Variants in CRISP1 observed in about 807,000 individuals in gnomAD.
CRISP1 encodes the protein cysteine-rich secretory protein 1.
In CRISP1, 44 loss-of-function variants were observed where a neutral mutation model predicts 33.1. The observed-to-expected ratio is 1.33, with a 90% confidence interval of 1.05 to 1.71. The LOEUF (loss-of-function observed/expected upper bound fraction) is 1.71. CRISP1 is among the 40% of genes most tolerant of loss of function. CRISP1 has a pLI of 0.00. For synonymous variants in CRISP1, 103 were observed against 98.7 expected, an observed-to-expected ratio of 1.04 and a Z score of -0.26; for missense variants, 390 against 301.2, an observed-to-expected ratio of 1.29 and a Z score of -2.18.
intron 7 of CRISP1, among the ~76,000 whole-genome samples, chr6:49,836,223 T>C (rs1398148235): frequency 2.0e-5 from 3 of 152,194 alleles, no homozygotes; most frequent in African/African-American, 7.2e-5. Context: ...TGAATTTGAA[T>C]CTTGACAATG....
chr6:49,863,080 A>G (rs1289473291), intron 1 of CRISP1, among the ~76,000 whole-genome samples: 2 of 152,158 alleles, frequency 1.3e-5, no homozygotes, highest in Non-Finnish European at 2.9e-5. Flanking sequence ...AAGGGATGGA[A>G]AACTGCAGGA....
chr6:49,860,435 T>TGAAATAAAACTAGAAATCAATAACAAGAG, intron 1 of CRISP1, among the ~76,000 whole-genome samples: 1 of 151,960 alleles, frequency 6.6e-6, no homozygotes, highest in Non-Finnish European at 1.5e-5. Flanking sequence ...CTAACTATAG[T>TGAAATAAAACTAGAAATCAATAACAAGAG]GAAATAAAAC....
chr6:49,864,301 G>C (rs1771737517), intron 1 of CRISP1, among the ~76,000 whole-genome samples: 1 of 150,978 alleles, frequency 6.6e-6, no homozygotes, highest in Admixed American at 6.6e-5. Flanking sequence ...TAAGAATTTT[G>C]ATTATTTTCA....
rs1236463624 is a variant in CRISP1, at chr6:49,834,334, A to G, written c.*982T>C. The G allele has an allele frequency of 4.6e-5, 7 of 151,634 alleles. No homozygotes were observed. In the East Asian group the frequency reaches 1.4e-3, roughly 29 times the overall value. The allele number at this position is 151,634 out of a possible 1,614,324, so 9.4% of individuals were successfully genotyped here. On this transcript the variant is annotated 3_prime_UTR_variant, in exon 8 of 8. Coordinates refer to ENST00000335847, the MANE Select transcript of CRISP1 (RefSeq NM_001131.3). ...AGGTAGAACTGGGTATAACTTTGGT[A>G]TAATGTTAAAATTTGACCAAGTATT... is the stretch of plus-strand genomic sequence containing the variant.
chr6:49,846,002 G>C (rs1771154081), intron 5 of CRISP1, among the ~76,000 whole-genome samples: 1 of 152,074 alleles, frequency 6.6e-6, no homozygotes, highest in Non-Finnish European at 1.5e-5. Flanking sequence ...GGAATGGAAG[G>C]TATTGTTTAA....
Position 49,846,686 on chromosome 6 carries a change from G to T in CRISP1, c.287-18C>A. ...AAAGGTATCTGAAATGAGAAAACGG[G>T]CTGGGTCATACTCTGAACAAATGGG... On this transcript the variant is annotated intron_variant, in intron 4 of 7. Transcript: ENST00000335847. The T allele has an allele frequency of 6.2e-7, 1 of 1,611,558 alleles. No individual in the cohort carries two copies. Among genetic ancestry groups the T allele is most frequent in the Non-Finnish European group, 8.5e-7 (1 of 1,178,674 alleles).
intron 1 of CRISP1, among the ~76,000 whole-genome samples, chr6:49,866,061 C>G (rs892151625): frequency 6.6e-6 from 1 of 152,160 alleles, no homozygotes; most frequent in Non-Finnish European, 1.5e-5. Context: ...CCCCTTATTA[C>G]TGGCTAATTC....
intron 2 of CRISP1, among the ~76,000 whole-genome samples, chr6:49,853,445 T>A (rs1380889201): frequency 6.6e-6 from 1 of 152,192 alleles, no homozygotes; most frequent in Admixed American, 6.5e-5. Flanking sequence ...AACATCCACA[T>A]GGATGAATCC....
chr6:49,839,665 G>C (rs1291710393), intron 6 of CRISP1, among the ~76,000 whole-genome samples: 2 of 152,074 alleles, frequency 1.3e-5, no homozygotes, highest in African/African-American at 2.4e-5. Flanking sequence ...TGAGAGACTT[G>C]GACTAATCTT....
intron 7 of CRISP1, among the ~76,000 whole-genome samples, chr6:49,835,787 T>G (rs1004620010): frequency 6.7e-6 from 1 of 149,824 alleles, no homozygotes; most frequent in Non-Finnish European, 1.5e-5. Flanking sequence ...TTTGTCTAAT[T>G]ATCTAATGCT....
intron 2 of CRISP1, among the ~76,000 whole-genome samples, chr6:49,855,370 A>G (rs1218433532): frequency 6.6e-6 from 1 of 152,138 alleles, no homozygotes; most frequent in Non-Finnish European, 1.5e-5. Flanking sequence ...AGAGGAACTA[A>G]AATCTTTAAC....
At chr6:49,835,975 C>T (rs1582250511) in intron 7 of CRISP1, among the ~76,000 whole-genome samples, 1 of 152,120 alleles carries the variant, frequency 6.6e-6, no homozygotes, top group Non-Finnish European at 1.5e-5. Context: ...TGGATGTGCA[C>T]GCACCTACAT....
upstream of CRISP1, among the ~76,000 whole-genome samples, chr6:49,867,985 C>A (rs1771837190): frequency 1.3e-5 from 2 of 152,134 alleles, no homozygotes; most frequent in Admixed American, 1.3e-4. Flanking sequence ...TCTTGCTAAA[C>A]TGCTGTTTAT....
At chr6:49,850,597 A>G (rs1283034212) in intron 3 of CRISP1, among the ~76,000 whole-genome samples, 2 of 151,996 alleles carry the variant, frequency 1.3e-5, no homozygotes, top group African/African-American at 4.8e-5. Flanking sequence ...TACATGTCCT[A>G]TGCATTGTTT....
At chr6:49,866,763 G>A (rs1421095284), upstream of CRISP1, among the ~76,000 whole-genome samples, 4 of 152,126 alleles carry the variant, frequency 2.6e-5, no homozygotes, top group Non-Finnish European at 4.4e-5. Flanking sequence ...TGATTCAGCA[G>A]AGCCACAATC....
At chr6:49,843,051 T>C (rs970033038) in intron 5 of CRISP1, among the ~76,000 whole-genome samples, 1 of 152,160 alleles carries the variant, frequency 6.6e-6, no homozygotes, top group Non-Finnish European at 1.5e-5. Flanking sequence ...CTGAAGGTGA[T>C]GGAATTCAGT....
intron 5 of CRISP1, among the ~76,000 whole-genome samples, chr6:49,844,974 A>G (rs1771112529): frequency 6.6e-6 from 1 of 152,148 alleles, no homozygotes; most frequent in South Asian, 2.1e-4. Flanking sequence ...ATACTGGAAT[A>G]AATTAAGAAT....
chr6:49,868,052 G>A (rs988043446), upstream of CRISP1, among the ~76,000 whole-genome samples: 1 of 152,088 alleles, frequency 6.6e-6, no homozygotes, highest in Admixed American at 6.6e-5. Context: ...TAATTGCTCT[G>A]GTTTTATCTG....
At position 49,864,623 on chromosome 6, in the gene CRISP1, CA is replaced by C. The variant is rs534431282; in HGVS notation, c.-3+1805del. ...CTATTATGTTTGTGTAATACTATTT[CA>C]TTGCAGTTTTTAATTTATATTTGTT... is the stretch of plus-strand genomic sequence containing the variant. On this transcript the variant is annotated intron_variant, in intron 1 of 7. Transcript: ENST00000335847. 8.5e-5 allele frequency among the ~76,000 whole-genome samples: 13 copies of C among 152,106 alleles called. No homozygotes were observed. In the East Asian group the frequency reaches 2.5e-3, roughly 29 times the overall value.
Sources: allele counts gnomAD v4.1 joint callset (sites outside exome capture counted in the v4.1 genomes callset), GRCh38; gene constraint gnomAD v4.1.1; transcripts MANE v1.5; gene names NCBI Gene and HGNC (gene_info 2026-07-23, HGNC 2026-07-21).